HRH1: variants seen among roughly 807,000 people sequenced by gnomAD.
The protein encoded by HRH1 is histamine receptor H1, also known as histamine H1 receptor.
A neutral mutation model predicts 10.3 loss-of-function variants in HRH1; 6 were observed. That is an observed-to-expected ratio of 0.58 (90% CI 0.32 to 1.15). HRH1 has a LOEUF of 1.15. Ranked by LOEUF, HRH1 falls within the 50% of genes most tolerant of loss-of-function variation. The probability of loss-of-function intolerance (pLI) is 0.05; values close to 1 mark genes in which losing one functional copy is unlikely to be tolerated. For synonymous variants in HRH1, 242 were observed against 236.7 expected (o/e 1.02, Z -0.21); for missense variants, 514 against 615.3 (o/e 0.84, Z 1.74).
chr3:11,253,604 G>A (rs976254046), intron 1 of HRH1, among the ~76,000 whole-genome samples: 6 of 152,024 alleles, frequency 3.9e-5, no homozygotes, highest in Non-Finnish European at 7.4e-5. Context: ...TTTTGGGTGC[G>A]GGGCACTAAT....
chr3:11,256,870 TTC>T (rs112597962), intron 1 of HRH1, among the ~76,000 whole-genome samples: 5,035 of 152,246 alleles, frequency 0.033, 276 homozygotes, highest in African/African-American at 0.1. Context: ...TAAAAATAAT[TTC>T]TTTTTGCTAA....
chr3:11,181,145 T>G (rs1268529063), intron 1 of HRH1, among the ~76,000 whole-genome samples: 2 of 152,032 alleles, frequency 1.3e-5, no homozygotes, highest in Non-Finnish European at 2.9e-5. Context: ...TAGCTAGGCC[T>G]AGTGGCATGT....
Position 11,258,363 on chromosome 3 carries a change from A to G in HRH1, c.-35-640A>G, listed in dbSNP as rs375449581. On this transcript the variant is annotated intron_variant, in intron 1 of 1. Transcript: ENST00000431010. ...TTGGCTCAGCAGCTTAGTGACAGCA[A>G]GGCCCTAGGCTGGCATTTTCTTGGC... Among the ~76,000 whole-genome samples, 20 of 152,292 alleles carry G rather than the reference A, an allele frequency of 1.3e-4. No homozygotes were observed. The South Asian group carries it at 3.9e-3, about 30-fold the overall frequency.
chr3:11,170,983 G>A (rs1478465806), intron 1 of HRH1, among the ~76,000 whole-genome samples: 2 of 152,140 alleles, frequency 1.3e-5, no homozygotes, highest in South Asian at 2.1e-4. Context: ...ATATTGTTGG[G>A]AGACCTTTCA....
intron 1 of HRH1, among the ~76,000 whole-genome samples, chr3:11,223,062 G>A (rs1376475489): frequency 6.6e-6 from 1 of 151,802 alleles, no homozygotes; most frequent in African/African-American, 2.4e-5. Context: ...GCGCGTGCCT[G>A]TAGTCCCAGC....
At chr3:11,225,755 G>A (rs1415395088) in intron 1 of HRH1, among the ~76,000 whole-genome samples, 1 of 152,172 alleles carries the variant, frequency 6.6e-6, no homozygotes, top group African/African-American at 2.4e-5. Context: ...GCACGATCTC[G>A]GCTCACTTCA....
intron 1 of HRH1, among the ~76,000 whole-genome samples, chr3:11,257,324 C>T (rs949302135): frequency 7.4e-5 from 11 of 147,844 alleles, no homozygotes; most frequent in African/African-American, 2.5e-4. Context: ...GGGAGTCCAG[C>T]GTGGGTGGAT....
At chr3:11,176,154 G>T (rs1439215789) in intron 1 of HRH1, among the ~76,000 whole-genome samples, 1 of 142,340 alleles carries the variant, frequency 7.0e-6, no homozygotes, top group African/African-American at 2.9e-5. Flanking sequence ...GGATAACAGA[G>T]TGAGAACCTG....
intron 1 of HRH1, among the ~76,000 whole-genome samples, chr3:11,236,237 C>T (rs909640330): frequency 6.6e-6 from 1 of 152,194 alleles, no homozygotes; most frequent in Admixed American, 6.5e-5. Flanking sequence ...TTGAGACCAG[C>T]CTGGCCAACA....
upstream of HRH1, among the ~76,000 whole-genome samples, chr3:11,149,803 A>C (rs1936560505): frequency 6.6e-6 from 1 of 152,234 alleles, no homozygotes; most frequent in African/African-American, 2.4e-5. Flanking sequence ...AAGCTCAAAG[A>C]CTGTATCCAT....
At chr3:11,247,973 C>G (rs896953972) in intron 1 of HRH1, among the ~76,000 whole-genome samples, 1 of 152,092 alleles carries the variant, frequency 6.6e-6, no homozygotes. Flanking sequence ...TTCCATTTCC[C>G]GAACCATTTC....
intron 1 of HRH1, chr3:11,234,247 C>T: frequency 1.3e-6 from 2 of 1,524,264 alleles, no homozygotes; most frequent in Middle Eastern, 1.7e-4. Flanking sequence ...TGCCTTGTGG[C>T]CTTCATTAAC....
chr3:11,184,400 G>T (rs970294195), intron 1 of HRH1, among the ~76,000 whole-genome samples: 1 of 151,998 alleles, frequency 6.6e-6, no homozygotes, highest in Non-Finnish European at 1.5e-5. Flanking sequence ...GAACGCAGGC[G>T]GTCCATCTCC....
At chr3:11,174,780 G>C (rs1451434660) in intron 1 of HRH1, among the ~76,000 whole-genome samples, 1 of 152,184 alleles carries the variant, frequency 6.6e-6, no homozygotes, top group African/African-American at 2.4e-5. Context: ...GCTGCTCCCA[G>C]CTGGCCCCCA....
intron 1 of HRH1, among the ~76,000 whole-genome samples, chr3:11,250,473 A>G (rs1385193826): frequency 6.6e-6 from 1 of 152,038 alleles, no homozygotes; most frequent in Non-Finnish European, 1.5e-5. Flanking sequence ...TGTGAGGAGC[A>G]CTAGGTATGG....
chr3:11,194,103 C>G (rs1375432800), intron 1 of HRH1, among the ~76,000 whole-genome samples: 1 of 152,070 alleles, frequency 6.6e-6, no homozygotes. Flanking sequence ...TAAGCATGTG[C>G]GTAGGGATAA....
chr3:11,206,064 G>A (rs1938113502), intron 1 of HRH1, among the ~76,000 whole-genome samples: 1 of 152,132 alleles, frequency 6.6e-6, no homozygotes, highest in South Asian at 2.1e-4. Context: ...GGGCACACCC[G>A]GCAGCTGGGC....
intron 1 of HRH1, 80 bp from the exon 2 acceptor site, chr3:11,258,923 C>T: frequency 2.0e-6 from 2 of 989,410 alleles, no homozygotes; most frequent in South Asian, 1.7e-5. Flanking sequence ...CATACAACTC[C>T]AGTCTGATGA....
intron 1 of HRH1, among the ~76,000 whole-genome samples, chr3:11,202,274 A>G (rs1047723170): frequency 5.9e-5 from 9 of 151,900 alleles, no homozygotes; most frequent in East Asian, 1.9e-4. Context: ...TGTGGTGGTG[A>G]GCGCCTTGTA....
Sources: allele counts gnomAD v4.1 joint callset (sites outside exome capture counted in the v4.1 genomes callset), GRCh38; gene constraint gnomAD v4.1.1; transcripts MANE v1.5; gene names NCBI Gene and HGNC (gene_info 2026-07-23, HGNC 2026-07-21).